The following PALLD variants were observed in gnomAD, a reference collection of about 807,000 sequenced individuals.
PALLD encodes palladin, cytoskeletal associated protein.
Under a neutral mutation model 123.5 loss-of-function variants are expected in PALLD, and 61 were observed. The observed-to-expected ratio is 0.49, with a 90% CI of 0.40 to 0.61. The LOEUF (loss-of-function observed/expected upper bound fraction) is 0.61, where lower values mean the gene tolerates loss of function less well. Ranked by LOEUF, PALLD falls within the 20% of genes least tolerant of loss-of-function variation. PALLD has a pLI of 0.00. For missense variants in PALLD, 1,273 were observed against 1,377.0 expected (o/e 0.92, Z 1.20); for synonymous variants, 465 against 496.4 (o/e 0.94, Z 0.84).
chr4:168,761,645 G>GTTTGTTT (rs1561493717), intron 10 of PALLD, among the ~76,000 whole-genome samples: 2 of 88,024 alleles, frequency 2.3e-5, no homozygotes, highest in Admixed American at 1.6e-4. Flanking sequence ...GTTGTTGTTT[G>GTTTGTTT]TTTTTTTTTT....
intron 10 of PALLD, chr4:168,712,225 A>G (rs1261026718): frequency 2.1e-6 from 1 of 484,638 alleles, no homozygotes. Context: ...CCTGGAGGCC[A>G]TGGAAAAGGG....
chr4:168,724,257 T>C (rs1014500017), intron 10 of PALLD, among the ~76,000 whole-genome samples: 1 of 152,250 alleles, frequency 6.6e-6, no homozygotes, highest in Non-Finnish European at 1.5e-5. Context: ...CTTTTACTAC[T>C]AGAGAATTTA....
rs1224796453 is a variant in PALLD, at chr4:168,927,960, C to T, written c.*1780C>T. 8 of 196,118 alleles carry T rather than the reference C, an allele frequency of 4.1e-5. No homozygotes were observed. Among genetic ancestry groups the T allele is most frequent in the East Asian group, 4.0e-4 (5 of 12,388 alleles). The allele number at this position is 196,118 out of a possible 1,614,324, so 12.1% of individuals were successfully genotyped here. A position where few individuals can be genotyped will look rare whatever the true frequency, so the allele number is the denominator to read the frequency against. Reference sequence around the variant, plus strand: ...TCTTAGCTCAGTTACTCAATTCATACGTAGTATTTTTTAAAATAATTTTAT... The same window carrying T: ...TCTTAGCTCAGTTACTCAATTCATATGTAGTATTTTTTAAAATAATTTTAT... On this transcript the variant is annotated 3_prime_UTR_variant, in exon 22 of 22. Transcript: ENST00000505667.
chr4:168,814,765 C>A (rs1057051398), intron 10 of PALLD, among the ~76,000 whole-genome samples: 1 of 152,030 alleles, frequency 6.6e-6, no homozygotes, highest in Admixed American at 6.6e-5. Context: ...CTATTTTAAT[C>A]TTTTCTGTTT....
intron 1 of PALLD, among the ~76,000 whole-genome samples, chr4:168,509,507 T>C (rs1762330921): frequency 6.6e-6 from 1 of 152,216 alleles, no homozygotes; most frequent in Non-Finnish European, 1.5e-5. Context: ...TGAATATAAT[T>C]GTTCCTCATA....
intron 8 of PALLD, among the ~76,000 whole-genome samples, chr4:168,703,621 T>C (rs1208734411): frequency 7.6e-6 from 1 of 131,472 alleles, no homozygotes; most frequent in Non-Finnish European, 1.6e-5. Context: ...TGAGATGGTA[T>C]CTCATTGTGG....
At chr4:168,843,406 A>G (rs1746334532) in intron 10 of PALLD, among the ~76,000 whole-genome samples, 1 of 152,172 alleles carries the variant, frequency 6.6e-6, no homozygotes. Context: ...TTTATGTTTG[A>G]CATTTAATGA....
chr4:168,590,529 A>G (rs1771297499), intron 2 of PALLD, among the ~76,000 whole-genome samples: 1 of 152,256 alleles, frequency 6.6e-6, no homozygotes, highest in African/African-American at 2.4e-5. Context: ...TAATGGCACA[A>G]CAAGAATTCA....
At chr4:168,816,408 TATA>T (rs1331980683) in intron 10 of PALLD, among the ~76,000 whole-genome samples, 7,320 of 142,558 alleles carry the variant, frequency 0.051, 240 homozygotes, top group South Asian at 0.13. Flanking sequence ...TATATATATA[TATA>T]TATTTTTTTT....
At chr4:168,513,948 T>C (rs9884917) in intron 2 of PALLD, among the ~76,000 whole-genome samples, 5,623 of 151,718 alleles carry the variant, frequency 0.037, 347 homozygotes, top group African/African-American at 0.13. Context: ...CTACTAAAAA[T>C]ACAAAAAATT....
At chr4:168,831,560 GT>G (rs1467379791) in intron 10 of PALLD, among the ~76,000 whole-genome samples, 1 of 152,104 alleles carries the variant, frequency 6.6e-6, no homozygotes, top group Non-Finnish European at 1.5e-5. Flanking sequence ...TCACACAATC[GT>G]TTTTACACTG....
Position 168,506,966 on chromosome 4 carries a change from C to T in PALLD, c.-82-4457C>T, listed in dbSNP as rs570672482. ...GTGATTATTCGAAGGATTCTATCTT[C>T]TCCTTCTTTTTTCCTCGATGACCTT... On this transcript the variant is annotated intron_variant, in intron 1 of 21. Transcript: ENST00000505667. Among the ~76,000 whole-genome samples, 7 of 152,170 alleles carry T rather than the reference C, an allele frequency of 4.6e-5. No individual in the cohort carries two copies. In the East Asian group the frequency reaches 1.4e-3, roughly 29 times the overall value.
chr4:168,661,417 ATAAT>A (rs1328746706), intron 2 of PALLD, among the ~76,000 whole-genome samples: 2 of 152,238 alleles, frequency 1.3e-5, no homozygotes, highest in Non-Finnish European at 2.9e-5. Context: ...GAATGAATGA[ATAAT>A]TGATTGATGA....
chr4:168,869,187 G>A lies in PALLD; in HGVS notation c.1965-21735G>A, dbSNP rs528952831. On this transcript the variant is annotated intron_variant, in intron 10 of 21. Transcript: ENST00000505667. This position sits in a 1 kb window ranked among gnomAD's most constrained non-coding sequence, Gnocchi z 4.5. ...ATATATCTCCTTTATTAGAAGATGC[G>A]TTTCCCTTTCCTGTATTCCACACAA... Among the ~76,000 whole-genome samples the A allele has an allele frequency of 4.6e-5, 7 of 152,246 alleles. No individual in the cohort carries two copies. The East Asian group carries it at 5.8e-4, about 13-fold the overall frequency.
chr4:168,636,416 T>A (rs1168027300), intron 2 of PALLD, among the ~76,000 whole-genome samples: 1 of 152,170 alleles, frequency 6.6e-6, no homozygotes, highest in African/African-American at 2.4e-5. Flanking sequence ...GCTCAGAAAT[T>A]CGAGGCTGCA....
rs11393140 is a variant in PALLD, at chr4:168,536,831, C to CTTTT, written c.908+24430_908+24433dup. Among the ~76,000 whole-genome samples, 749 of 144,446 alleles carry CTTTT rather than the reference C, an allele frequency of 5.2e-3. 4 individuals are homozygous for CTTTT. The highest frequency in any genetic ancestry group is 0.018 in the African/African-American group (709 of 39,228). 94.8% of individuals were successfully genotyped at this position (144,446 alleles called of 152,430 possible). A position where few individuals can be genotyped will look rare whatever the true frequency, so the allele number is the denominator to read the frequency against. ...TACATCAGCATTGAAAAGGTTCTCTCTTTTTTTTTTTTTTGAGACGGAGTC... is the reference window on the plus strand; with the variant it reads ...TACATCAGCATTGAAAAGGTTCTCTCTTTTTTTTTTTTTTTTTTGAGACGGAGTC... On this transcript the variant is annotated intron_variant, in intron 2 of 21. Coordinates refer to ENST00000505667, the MANE Select transcript of PALLD (RefSeq NM_001166108.2).
intron 2 of PALLD, among the ~76,000 whole-genome samples, chr4:168,577,161 A>G (rs562693346): frequency 3.3e-5 from 5 of 152,284 alleles, no homozygotes; most frequent in South Asian, 2.1e-4. Flanking sequence ...GAAGTGAGGT[A>G]CAGAAACAGC....
At chr4:168,713,942 GTTTTTTTTTTTTTT>G (rs34942776) in intron 10 of PALLD, among the ~76,000 whole-genome samples, 2 of 54,700 alleles carry the variant, frequency 3.7e-5, no homozygotes, top group African/African-American at 1.4e-4. Context: ...TTTTCCCATT[GTTTTTTTTTTTTTT>G]TTTTTTTTTT....
At chr4:168,804,189 G>A (rs1468912211) in intron 10 of PALLD, among the ~76,000 whole-genome samples, 3 of 152,234 alleles carry the variant, frequency 2.0e-5, no homozygotes, top group Admixed American at 1.3e-4. Flanking sequence ...AAAGAGGTAT[G>A]TTCCTTCTGT....
Sources: allele counts gnomAD v4.1 joint callset (sites outside exome capture counted in the v4.1 genomes callset), GRCh38; gene constraint gnomAD v4.1.1; non-coding constraint Gnocchi (gnomAD v3.1); transcripts MANE v1.5; gene names NCBI Gene and HGNC (gene_info 2026-07-23, HGNC 2026-07-21).